The following CCDC40 variants were observed in gnomAD, a reference collection of about 807,000 sequenced individuals.
CCDC40 encodes the protein coiled-coil domain-containing protein 40.
In CCDC40, 104 loss-of-function variants were observed where a neutral mutation model predicts 124.5. The ratio of observed to expected loss-of-function variants is 0.84; its 90% CI spans 0.71 to 0.98. The LOEUF (loss-of-function observed/expected upper bound fraction) is 0.98, where lower values mean the gene tolerates loss of function less well. CCDC40 is among the 50% of genes least tolerant of loss of function. CCDC40 has a pLI of 0.00. For missense variants in CCDC40, 1,463 were observed against 1,503.9 expected (o/e 0.97, Z 0.45); for synonymous variants, 580 against 602.9 (o/e 0.96, Z 0.56).
At chr17:80,081,506 G>A (rs1455052105) in intron 10 of CCDC40, 40 bp from the exon 11 acceptor site, 1 of 1,612,716 alleles carries the variant, frequency 6.2e-7, no homozygotes, top group Non-Finnish European at 8.5e-7. Context: ...GCTCTCTGAT[G>A]TCTCACACGT....
chr17:80,076,014 G>A (rs912642575), intron 10 of CCDC40, among the ~76,000 whole-genome samples: 2 of 152,124 alleles, frequency 1.3e-5, no homozygotes, highest in South Asian at 2.1e-4. Context: ...TGCTTCTTAC[G>A]GATGAGCGTT....
chr17:80,099,358 C>G (rs946972077), intron 19 of CCDC40, among the ~76,000 whole-genome samples, 169 bp from the exon 20 acceptor site: 4 of 152,140 alleles, frequency 2.6e-5, no homozygotes, highest in African/African-American at 9.7e-5. Context: ...CCCAGTGCCT[C>G]TCAGCCTCTT....
At chr17:80,056,687 C>A (rs1438687584) in intron 7 of CCDC40, among the ~76,000 whole-genome samples, 1 of 151,956 alleles carries the variant, frequency 6.6e-6, no homozygotes, top group East Asian at 1.9e-4. Flanking sequence ...ACTAAATGCA[C>A]AAAAATATCC....
chr17:80,058,484 C>T lies in CCDC40; in HGVS notation c.1160-10C>T, dbSNP rs757777653. 54 of 1,613,372 alleles carry T rather than the reference C, an allele frequency of 3.3e-5. No homozygotes were observed. Among genetic ancestry groups the T allele is most frequent in the Admixed American group, 1.7e-4 (10 of 60,008 alleles). On this transcript the variant is annotated splice_polypyrimidine_tract_variant and intron_variant, in intron 7 of 19. Transcript: ENST00000397545. The surrounding 1 kb of genome is among the most constrained non-coding windows in gnomAD (Gnocchi z 4.2). The stretch of plus-strand genomic sequence containing the variant: ...CTCTCTCTCTCTTTCTCCCCCGCCG[C>T]GCCCCGCAGTGGCGGCTCTGCAGAC...
At chr17:80,048,524 A>G (rs1598485791) in intron 4 of CCDC40, 59 bp from the exon 5 acceptor site, 2 of 1,394,430 alleles carry the variant, frequency 1.4e-6, no homozygotes, top group Non-Finnish European at 2.0e-6. Context: ...GCCCCAGAAT[A>G]GAATCACTGA....
In CCDC40 at chr17:80,065,493, C is replaced by T. The variant is rs116824266; in HGVS notation, c.1449C>T (p.Thr483=). 4,259 of 1,613,072 alleles carry T rather than the reference C, an allele frequency of 2.6e-3. 97 individuals are homozygous for T. The African/African-American group carries it at 0.051, about 19-fold the overall frequency. ...TCCCCTGTTGGCTGCAGGCCTGCACCGAGATCGACGCCATCAGCGTGGAGA... is the reference window on the plus strand; with the variant it reads ...TCCCCTGTTGGCTGCAGGCCTGCACTGAGATCGACGCCATCAGCGTGGAGA... ...ILRKAVSEAC[T]EIDAISVEKR... The change falls in exon 10 of 20, where the codon ACC becomes ACT. Residue 483 remains threonine, a synonymous_variant. Transcript: ENST00000397545.
chr17:80,069,182 G>A (rs543613546), intron 10 of CCDC40, among the ~76,000 whole-genome samples: 5 of 151,706 alleles, frequency 3.3e-5, no homozygotes, highest in South Asian at 4.2e-4. Context: ...GTCTCTCTTC[G>A]TCTGATGTCG....
Position 80,081,601 on chromosome 17 carries a change from TC to T in CCDC40, c.1620del (p.Ile541SerfsTer2), listed in dbSNP as rs878855041. 4 of 1,613,774 alleles carry T rather than the reference TC, an allele frequency of 2.5e-6. No individual in the cohort carries two copies. Among genetic ancestry groups the T allele is most frequent in the Non-Finnish European group, 3.4e-6 (4 of 1,180,032 alleles). On this transcript the variant is annotated frameshift_variant, in exon 11 of 20. Transcript: ENST00000397545. LOFTEE classifies it high-confidence loss of function. ...TDGEIEAYKK[S>X]IMKEEEKNEK... ...CGGCGAGATTGAGGCCTATAAGAAA[TC>T]CATCATGAAGGAGGAAGAAAAGAAC...
chr17:80,037,686 AAAAGATATACAT>A (rs1428506483), intron 1 of CCDC40, among the ~76,000 whole-genome samples: 22 of 26,282 alleles, frequency 8.4e-4, no homozygotes, highest in South Asian at 2.6e-3. Flanking sequence ...AATTTTTTAA[AAAAGATATACAT>A]ATATATATAT....
At position 80,087,464 on chromosome 17, in the gene CCDC40, A is replaced by C; in HGVS notation, c.2450-143A>C. ...CTGGCAGGGACGAGATTCAGGCAGG[A>C]GCGCCAGGAACGACAAGAGGGAGGG... On this transcript the variant is annotated intron_variant, in intron 14 of 19. Coordinates refer to ENST00000397545, the MANE Select transcript of CCDC40 (RefSeq NM_017950.4). The surrounding 1 kb of genome is among the most constrained non-coding windows in gnomAD (Gnocchi z 4.5). The C allele has an allele frequency of 2.8e-6, 2 of 712,464 alleles. No homozygotes were observed. Among genetic ancestry groups the C allele is most frequent in the Non-Finnish European group, 5.1e-6 (2 of 389,258 alleles). 44.1% of individuals were successfully genotyped at this position (712,464 alleles called of 1,614,324 possible). A position where few individuals can be genotyped will look rare whatever the true frequency, so the allele number is the denominator to read the frequency against.
At chr17:80,068,339 T>A (rs1358289538) in intron 10 of CCDC40, among the ~76,000 whole-genome samples, 4 of 152,102 alleles carry the variant, frequency 2.6e-5, no homozygotes, top group Admixed American at 2.6e-4. Flanking sequence ...GGCCAGTCTT[T>A]TAAAAGTGCA....
intron 7 of CCDC40, among the ~76,000 whole-genome samples, chr17:80,052,489 A>C (rs983405621): frequency 3.3e-5 from 5 of 152,174 alleles, no homozygotes; most frequent in African/African-American, 1.2e-4. Context: ...CTCAAATGTT[A>C]ATCTCCTTTG....
chr17:80,059,023 G>A (rs1328240535), intron 9 of CCDC40, 43 bp downstream of exon 9: 3 of 1,613,510 alleles, frequency 1.9e-6, no homozygotes, highest in Non-Finnish European at 2.5e-6. Context: ...ACCCTCCAGT[G>A]AGTGTCCACG....
intron 17 of CCDC40, 78 bp downstream of exon 17, chr17:80,089,962 C>T (rs2038667983): frequency 3.2e-6 from 5 of 1,579,972 alleles, no homozygotes; most frequent in African/African-American, 1.4e-5. Context: ...ACACCAAGGC[C>T]TCGGCTCTCC....
Position 80,087,376 on chromosome 17 carries a change from AG to A in CCDC40, c.2450-229del. The stretch of plus-strand genomic sequence containing the variant: ...AGGCAGGTCCTCTCAGTTCCGTTGG[AG>A]GACCAGGCTTTGGGAGCTTAGCAGC... On this transcript the variant is annotated intron_variant, in intron 14 of 19. Transcript: ENST00000397545. The surrounding 1 kb of genome is among the most constrained non-coding windows in gnomAD (Gnocchi z 4.5). 1.7e-6 allele frequency: 1 copy of A among 574,762 alleles called. No individual in the cohort carries two copies. Among genetic ancestry groups the A allele is most frequent in the Non-Finnish European group, 3.1e-6 (1 of 319,974 alleles). 35.6% of individuals were successfully genotyped at this position (574,762 alleles called of 1,614,324 possible).
At chr17:80,090,238 CGTG>C in intron 17 of CCDC40, 3 of 879,802 alleles carry the variant, frequency 3.4e-6, no homozygotes, top group Non-Finnish European at 4.9e-6. Context: ...CGCGCAGGCA[CGTG>C]CACGAACAAC....
At position 80,097,409 on chromosome 17, in the gene CCDC40, C is replaced by G. The variant is rs753716586; in HGVS notation, c.3180+6C>G. On this transcript the variant is annotated splice_donor_region_variant and intron_variant, in intron 19 of 19. Coordinates refer to ENST00000397545, the MANE Select transcript of CCDC40 (RefSeq NM_017950.4). ...TTGGGGCCCTCAAACGACAGGTAAA[C>G]GTGTCCCAGGAGGTCCCTGGGGATG... 1.0e-4 allele frequency: 162 copies of G among 1,613,700 alleles called. 1 individual carries two copies. Among genetic ancestry groups the G allele is most frequent in the Middle Eastern group, 1.6e-4 (1 of 6,084 alleles).
intron 17 of CCDC40, among the ~76,000 whole-genome samples, chr17:80,092,843 C>G (rs117690684): frequency 6.6e-6 from 1 of 152,186 alleles, no homozygotes. Context: ...CTGAAGGTCA[C>G]GAAGAGCTTC....
intron 10 of CCDC40, among the ~76,000 whole-genome samples, chr17:80,073,095 C>T (rs1050942138): frequency 1.3e-5 from 2 of 152,036 alleles, no homozygotes; most frequent in Admixed American, 6.6e-5. Context: ...CTCCACCTCC[C>T]GGGTTCAAGC....
Sources: gnomAD v4.1 joint callset for allele counts (sites outside exome capture counted in the v4.1 genomes callset) on GRCh38, gnomAD v4.1.1 for gene constraint, Gnocchi (gnomAD v3.1) non-coding constraint, MANE v1.5 for transcripts, NCBI Gene and HGNC (gene_info 2026-07-23, HGNC 2026-07-21) for gene names.